KLF15: variants seen among roughly 807,000 people sequenced by gnomAD.
The protein encoded by KLF15 is KLF transcription factor 15, also known as Krueppel-like factor 15.
Under a neutral mutation model 24.6 loss-of-function variants are expected in KLF15, and 4 were observed. That is an observed-to-expected ratio of 0.16 (90% confidence interval 0.08 to 0.37). The LOEUF is 0.37. Among genes scored for constraint, KLF15 ranks in the 10% least tolerant of loss-of-function variants. The pLI, the probability that KLF15 is intolerant of heterozygous loss-of-function variation, is 1.00. For missense variants in KLF15, 496 were observed against 560.6 expected, an observed-to-expected ratio of 0.88 and a Z score of 1.16; for synonymous variants, 246 against 236.3, an observed-to-expected ratio of 1.04 and a Z score of -0.37.
chr3:126,332,608 C>A, the KLF15 span, among the ~76,000 whole-genome samples: 5 of 68,960 alleles, frequency 7.3e-5, 1 homozygote, highest in Admixed American at 7.1e-4. Context: ...AGGCTTCAGA[C>A]GATCAAATTA....
At chr3:126,331,571 T>G in the KLF15 span, among the ~76,000 whole-genome samples, 2 of 152,210 alleles carry the variant, frequency 1.3e-5, no homozygotes, top group Admixed American at 6.5e-5. Flanking sequence ...GCACAGATGC[T>G]AGAAAGCATT....
chr3:126,347,437 T>C (rs1373522956), intron 2 of KLF15, among the ~76,000 whole-genome samples: 1 of 152,214 alleles, frequency 6.6e-6, no homozygotes, highest in African/African-American at 2.4e-5. Context: ...CTCTTGGCTC[T>C]GACGCTCAAG....
At chr3:126,326,933 C>T in the KLF15 span, among the ~76,000 whole-genome samples, 558 of 152,020 alleles carry the variant, frequency 3.7e-3, 4 homozygotes, top group African/African-American at 0.013. Flanking sequence ...ACAAGCATTG[C>T]GGATAGTGCA....
rs1052351362 is a variant in KLF15, at chr3:126,356,710, A to G, written c.-26+527T>C. On this transcript the variant is annotated intron_variant, in intron 1 of 2. Coordinates refer to ENST00000296233, the MANE Select transcript of KLF15 (RefSeq NM_014079.4). This position sits in a 1 kb window ranked among gnomAD's most constrained non-coding sequence, Gnocchi z 4.4. ...CCGTGGGTGCCGGCGGGTGAGGGGA[A>G]ACGTGCGTGGGAAATGAAGAGAGCC... Among the ~76,000 whole-genome samples, 1 of 151,932 alleles carries G rather than the reference A, an allele frequency of 6.6e-6. No individual in the cohort carries two copies. The highest frequency in any genetic ancestry group is 6.5e-5 in the Admixed American group (1 of 15,284).
Position 126,343,511 on chromosome 3 carries a change from C to G in KLF15, c.*216G>C, listed in dbSNP as rs2082499982. 2 of 529,384 alleles carry G rather than the reference C, an allele frequency of 3.8e-6. No homozygotes were observed. The highest frequency in any genetic ancestry group is 4.0e-5 in the African/African-American group (2 of 49,758). The allele number at this position is 529,384 out of a possible 1,614,324, so 32.8% of individuals were successfully genotyped here. On this transcript the variant is annotated 3_prime_UTR_variant, in exon 3 of 3. Transcript: ENST00000296233. Reference sequence around the variant, plus strand: ...GAAGGCCTGCCTCCAGCCCCGTGCGCCTGGGGCCCAGCCCCCAGGGACGCG... The same window carrying G: ...GAAGGCCTGCCTCCAGCCCCGTGCGGCTGGGGCCCAGCCCCCAGGGACGCG...
chr3:126,307,931 G>A, the KLF15 span, among the ~76,000 whole-genome samples: 7 of 152,064 alleles, frequency 4.6e-5, no homozygotes, highest in African/African-American at 1.2e-4. Context: ...TCTGGACTCC[G>A]TGTCTCCAGC....
the KLF15 span, among the ~76,000 whole-genome samples, chr3:126,335,661 A>G: frequency 7.0e-6 from 1 of 143,766 alleles, no homozygotes; most frequent in Middle Eastern, 3.4e-3. Flanking sequence ...ACATGATTGT[A>G]TATCTAGAAA....
chr3:126,298,690 C>A, the KLF15 span, among the ~76,000 whole-genome samples: 1 of 152,190 alleles, frequency 6.6e-6, no homozygotes, highest in South Asian at 2.1e-4. Flanking sequence ...ATGTGGCTTG[C>A]CAATTGTCCC....
At chr3:126,298,831 AT>A in the KLF15 span, among the ~76,000 whole-genome samples, 1 of 152,106 alleles carries the variant, frequency 6.6e-6, no homozygotes, top group African/African-American at 2.4e-5. Context: ...CTATATGCCT[AT>A]TTTTATACCA....
chr3:126,315,429 T>C, the KLF15 span, among the ~76,000 whole-genome samples: 1,161 of 152,264 alleles, frequency 7.6e-3, 10 homozygotes, highest in African/African-American at 0.026. Context: ...TGCTGCATGG[T>C]CCACCCCACT....
At chr3:126,307,310 A>C in the KLF15 span, among the ~76,000 whole-genome samples, 2 of 152,112 alleles carry the variant, frequency 1.3e-5, no homozygotes, top group Non-Finnish European at 2.9e-5. Context: ...CCCAGCCTCC[A>C]GCATGGGGCC....
At chr3:126,310,900 G>A in the KLF15 span, among the ~76,000 whole-genome samples, 73,891 of 151,956 alleles carry the variant, frequency 0.49, 18,767 homozygotes, top group Non-Finnish European at 0.55. Flanking sequence ...CTCAAGCCCC[G>A]CTGTGGGCTA....
the KLF15 span, among the ~76,000 whole-genome samples, chr3:126,310,105 C>A: frequency 6.6e-6 from 1 of 152,262 alleles, no homozygotes; most frequent in South Asian, 2.1e-4. Flanking sequence ...AGGGGCAAGC[C>A]TGACACCACC....
In KLF15 at chr3:126,343,850, T is replaced by A; in HGVS notation, c.1128A>T (p.Ser376=). Reference sequence around the variant, plus strand: ...CAGGACACTGGTACGGCTTCACACCTGAGTGCGAGCGCCTGTGCCGCGACA... The same window carrying A: ...CAGGACACTGGTACGGCTTCACACCAGAGTGCGAGCGCCTGTGCCGCGACA... ...DELSRHRRSH[S]GVKPYQCPVC... is the part of the protein sequence containing the mutation. Residue 376 remains serine, a synonymous_variant, in exon 3 of 3, where the codon TCA becomes TCT. Coordinates refer to ENST00000296233, the MANE Select transcript of KLF15 (RefSeq NM_014079.4). 6.2e-7 allele frequency: 1 copy of A among 1,606,162 alleles called. No homozygotes were observed. Among genetic ancestry groups the A allele is most frequent in the African/African-American group, 1.3e-5 (1 of 74,646 alleles).
rs139765076 is a variant in KLF15, at chr3:126,352,881, C to T, written c.42G>A (p.Ser14=). Residue 14 remains serine (S), a synonymous_variant, in exon 2 of 3, where the codon TCG becomes TCA. Coordinates refer to ENST00000296233, the MANE Select transcript of KLF15 (RefSeq NM_014079.4). ...CCAGATACCCAACTGGGCATTTTGG[C>T]GACGAGAAGTTCTCGTCCACTGGAA... is the stretch of plus-strand genomic sequence containing the variant. The part of the protein sequence containing the change: ...HLLPVDENFS[S]PKCPVGYLGD... 6.3e-5 allele frequency: 102 copies of T among 1,611,092 alleles called. No individual in the cohort carries two copies. Among genetic ancestry groups the T allele is most frequent in the African/African-American group, 1.1e-4 (8 of 75,010 alleles).
chr3:126,323,289 T>C, the KLF15 span, among the ~76,000 whole-genome samples: 1 of 148,382 alleles, frequency 6.7e-6, no homozygotes, highest in East Asian at 2.0e-4. Context: ...CATAATTATA[T>C]ACTTAATTTT....
chr3:126,326,895 A>G, the KLF15 span, among the ~76,000 whole-genome samples: 2 of 152,238 alleles, frequency 1.3e-5, no homozygotes, highest in African/African-American at 4.8e-5. Flanking sequence ...ATTAATAAAT[A>G]AATTTTTAAT....
chr3:126,324,159 T>A, the KLF15 span, among the ~76,000 whole-genome samples: 3 of 81,444 alleles, frequency 3.7e-5, no homozygotes. Flanking sequence ...TCTTCAGCAA[T>A]GGTTGAACTA....
At chr3:126,348,562 C>T (rs1168652763) in intron 2 of KLF15, among the ~76,000 whole-genome samples, 1 of 152,230 alleles carries the variant, frequency 6.6e-6, no homozygotes. Context: ...CAGTCTGTGC[C>T]TCAGTTTCCC....
Sources: gnomAD v4.1 joint callset for allele counts (sites outside exome capture counted in the v4.1 genomes callset) on GRCh38, gnomAD v4.1.1 for gene constraint, Gnocchi (gnomAD v3.1) non-coding constraint, MANE v1.5 for transcripts, NCBI Gene and HGNC (gene_info 2026-07-23, HGNC 2026-07-21) for gene names.